Variants in ESPN observed in about 807,000 individuals in gnomAD.
ESPN encodes the protein espin, also known as autosomal recessive deafness type 36 protein.
A neutral mutation model predicts 77.7 loss-of-function variants in ESPN; 68 were observed. That is an observed-to-expected ratio of 0.87 (90% confidence interval 0.72 to 1.07). The LOEUF (loss-of-function observed/expected upper bound fraction) is 1.07. Ranked by LOEUF, ESPN falls within the 50% of genes least tolerant of loss-of-function variation. The pLI is 0.00. For missense variants in ESPN, 1,060 were observed against 1,239.0 expected (o/e 0.86, Z 2.17); for synonymous variants, 449 against 567.1 (o/e 0.79, Z 2.96).
Position 6,457,380 on chromosome 1 carries a change from C to T in ESPN, c.2417+8C>T. 1 of 1,614,186 alleles carries T rather than the reference C, an allele frequency of 6.2e-7. No homozygotes were observed. The highest frequency in any genetic ancestry group is 8.5e-7 in the Non-Finnish European group (1 of 1,180,030). On this transcript the variant is annotated splice_region_variant and intron_variant, in intron 12 of 12. Coordinates refer to ENST00000645284, the MANE Select transcript of ESPN (RefSeq NM_031475.3). ...TTCCAGGGAGCAGAAGCGGTGAGTG[C>T]AGGGCTGGCCCCAACCTGCCACCCT...
intron 12 of ESPN, among the ~76,000 whole-genome samples, chr1:6,459,712 C>T (rs974804401): frequency 3.3e-5 from 5 of 152,194 alleles, no homozygotes; most frequent in Non-Finnish European, 2.9e-5. Context: ...AATACCACCT[C>T]CTCACATGGT....
At chr1:6,452,207 T>C in intron 10 of ESPN, 111 bp downstream of exon 10, 1 of 1,284,372 alleles carries the variant, frequency 7.8e-7, no homozygotes, top group African/African-American at 1.5e-5. Context: ...TCTTTCTTTT[T>C]TTTTTTTCTT....
intron 7 of ESPN, among the ~76,000 whole-genome samples, chr1:6,446,320 G>A (rs1168142721): frequency 6.6e-6 from 1 of 152,202 alleles, no homozygotes; most frequent in African/African-American, 2.4e-5. Flanking sequence ...GGCTCAGTCG[G>A]AGAGTGTCAC....
Position 6,425,064 on chromosome 1 carries a change from GCGCTGCCCGTGCACCA to G in ESPN, c.113_128del (p.Leu38ArgfsTer78). ...GCCCTCGCTGCGCGACCCGCTGGAC[GCGCTGCCCGTGCACCA>G]CGCGGCCCGCGCTGGGAAGCTGCAC... On this transcript the variant is annotated frameshift_variant, in exon 1 of 13. Transcript: ENST00000645284. LOFTEE classifies it high-confidence loss of function. 1 of 1,473,392 alleles carries G rather than the reference GCGCTGCCCGTGCACCA, an allele frequency of 6.8e-7. No homozygotes were observed. Among genetic ancestry groups the G allele is most frequent in the Non-Finnish European group, 8.9e-7 (1 of 1,119,674 alleles). The allele number at this position is 1,473,392 out of a possible 1,614,324, so 91.3% of individuals were successfully genotyped here.
In ESPN at chr1:6,457,387, G is replaced by A. The variant is rs1160940716; in HGVS notation, c.2417+15G>A. ...GAGCAGAAGCGGTGAGTGCAGGGCTGGCCCCAACCTGCCACCCTTATCCCC... is the reference window on the plus strand; with the variant it reads ...GAGCAGAAGCGGTGAGTGCAGGGCTAGCCCCAACCTGCCACCCTTATCCCC... On this transcript the variant is annotated intron_variant, in intron 12 of 12. Coordinates refer to ENST00000645284, the MANE Select transcript of ESPN (RefSeq NM_031475.3). 6.2e-7 allele frequency: 1 copy of A among 1,614,204 alleles called. No homozygotes were observed. The highest frequency in any genetic ancestry group is 1.7e-5 in the Admixed American group (1 of 60,028).
chr1:6,440,523 G>A, intron 3 of ESPN, 83 bp downstream of exon 3: 1 of 1,175,488 alleles, frequency 8.5e-7, no homozygotes. Flanking sequence ...GGCCATCAGG[G>A]GTGGGGCGGG....
Position 6,444,672 on chromosome 1 carries a change from C to G in ESPN, c.1182C>G (p.His394Gln). The G allele has an allele frequency of 6.2e-7, 1 of 1,614,186 alleles. No homozygotes were observed. Among genetic ancestry groups the G allele is most frequent in the Non-Finnish European group, 8.5e-7 (1 of 1,180,010 alleles). The change falls in exon 6 of 13, where the codon CAC becomes CAG. Residue 394 changes from histidine to glutamine, a missense_variant. His to Gln is a conservative substitution (Grantham distance 24). Coordinates refer to ENST00000645284, the MANE Select transcript of ESPN (RefSeq NM_031475.3). ...SSSHSSIKGQHPPCGLSSARA... is the reference protein window; with the variant it reads ...SSSHSSIKGQQPPCGLSSARA... ...GCCACTCCAGCATCAAGGGCCAGCA[C>G]CCTCCATGTGGTGAGTGTGCCCAGG... is the stretch of plus-strand genomic sequence containing the variant.
At position 6,428,407 on chromosome 1, in the gene ESPN, A is replaced by G. The variant is rs1569574178; in HGVS notation, c.476A>G (p.Glu159Gly). ...GDFPSLRLLV[E>G]HYPEGVNAQT... ...TTCCCCTCCCTGAGGCTTCTCGTCGAGCACTACCCTGAGTAAGATCACCCC... is the reference window on the plus strand; with the variant it reads ...TTCCCCTCCCTGAGGCTTCTCGTCGGGCACTACCCTGAGTAAGATCACCCC... Residue 159 changes from glutamate (E) to glycine (G), a missense_variant, in exon 2 of 13, where the codon GAG becomes GGG. Glu to Gly is a moderately conservative substitution (Grantham distance 98). Transcript: ENST00000645284. This position sits in a 1 kb window ranked among gnomAD's most constrained non-coding sequence, Gnocchi z 5.4. The G allele has an allele frequency of 2.5e-6, 4 of 1,611,248 alleles. No homozygotes were observed. The African/African-American group carries it at 4.0e-5, about 16-fold the overall frequency.
chr1:6,444,340 A>T, intron 5 of ESPN, 141 bp from the exon 6 acceptor site: 1 of 807,912 alleles, frequency 1.2e-6, no homozygotes. Flanking sequence ...GAGACCGTCT[A>T]GTGATGGGGA....
At chr1:6,455,355 C>T (rs369910937) in intron 10 of ESPN, 2 of 378,046 alleles carry the variant, frequency 5.3e-6, no homozygotes, top group Non-Finnish European at 9.4e-6. Context: ...GGCGCGCCTA[C>T]GCGGACTGCT....
chr1:6,445,557 C>T (rs1477037460), intron 6 of ESPN, 107 bp from the exon 7 acceptor site: 2 of 1,284,288 alleles, frequency 1.6e-6, no homozygotes, highest in Non-Finnish European at 2.2e-6. Context: ...GTGCCCGGAG[C>T]CCACCTTGCC....
Position 6,437,071 on chromosome 1 carries a change from T to C in ESPN, c.489-3183T>C, listed in dbSNP as rs1363916059. ...GGCTCTGACTCCATAATGGGGCGTG[T>C]GAGTGCAGATGGTGGAATACTAACG... On this transcript the variant is annotated intron_variant, in intron 2 of 12. Transcript: ENST00000645284. This position sits in a 1 kb window ranked among gnomAD's most constrained non-coding sequence, Gnocchi z 4.5. 3.3e-5 allele frequency among the ~76,000 whole-genome samples: 5 copies of C among 151,418 alleles called. No homozygotes were observed. Among genetic ancestry groups the C allele is most frequent in the Non-Finnish European group, 5.9e-5 (4 of 67,820 alleles).
rs931841216 is a variant in ESPN, at chr1:6,460,661, G to A, written c.*515G>A. Reference sequence around the variant, plus strand: ...GCCTCATTTCTTATCCCCGCCAAGGGTTTCCTCTCAGTCATTTGTTTACCA... The same window carrying A: ...GCCTCATTTCTTATCCCCGCCAAGGATTTCCTCTCAGTCATTTGTTTACCA... On this transcript the variant is annotated 3_prime_UTR_variant, in exon 13 of 13. Transcript: ENST00000645284. The A allele has an allele frequency of 3.6e-5, 6 of 166,070 alleles. No individual in the cohort carries two copies. The highest frequency in any genetic ancestry group is 1.4e-4 in the African/African-American group (6 of 41,558). The allele number at this position is 166,070 out of a possible 1,614,324, so 10.3% of individuals were successfully genotyped here.
rs1644153126 is a variant in ESPN, at chr1:6,460,939, C to T, written c.*793C>T. 1 of 364,910 alleles carries T rather than the reference C, an allele frequency of 2.7e-6. No homozygotes were observed. Among genetic ancestry groups the T allele is most frequent in the Admixed American group, 4.1e-5 (1 of 24,574 alleles). The allele number at this position is 364,910 out of a possible 1,614,324, so 22.6% of individuals were successfully genotyped here. ...AAGCGCTCTCATCTGGGCTCCGGTT[C>T]ACTCACTCGCTGTGGCCGCGACTTG... On this transcript the variant is annotated 3_prime_UTR_variant, in exon 13 of 13. Coordinates refer to ENST00000645284, the MANE Select transcript of ESPN (RefSeq NM_031475.3).
intron 2 of ESPN, among the ~76,000 whole-genome samples, chr1:6,434,564 T>C (rs1237108207): frequency 6.6e-6 from 1 of 152,200 alleles, no homozygotes; most frequent in Non-Finnish European, 1.5e-5. Flanking sequence ...GTCTGGCAAG[T>C]GGACCTAACC....
rs371554869 is a variant in ESPN at position 6,428,451 on chromosome 1, G to A, written c.488+32G>A. 282 of 1,576,752 alleles carry A rather than the reference G, an allele frequency of 1.8e-4. 1 individual carries two copies. The highest frequency in any genetic ancestry group is 1.3e-3 in the Admixed American group (78 of 57,846). ...TCACCCCTCTTAAGGGGTCCTCTGGGTGGGCTGGGCCAGGGCTTTGGGGGA... is the reference window on the plus strand; with the variant it reads ...TCACCCCTCTTAAGGGGTCCTCTGGATGGGCTGGGCCAGGGCTTTGGGGGA... On this transcript the variant is annotated intron_variant, in intron 2 of 12. Coordinates refer to ENST00000645284, the MANE Select transcript of ESPN (RefSeq NM_031475.3). The surrounding 1 kb of genome is among the most constrained non-coding windows in gnomAD (Gnocchi z 5.4).
At position 6,450,746 on chromosome 1, in the gene ESPN, C is replaced by G. The variant is rs542457031; in HGVS notation, c.1916-857C>G. ...CCTTTCTCCTACTCTTCTCCCCCACCACCCCCACCCGCTGTGACTGCATTC... is the reference window on the plus strand; with the variant it reads ...CCTTTCTCCTACTCTTCTCCCCCACGACCCCCACCCGCTGTGACTGCATTC... On this transcript the variant is annotated intron_variant, in intron 8 of 12. Transcript: ENST00000645284. This position sits in a 1 kb window ranked among gnomAD's most constrained non-coding sequence, Gnocchi z 4.3. Among the ~76,000 whole-genome samples, 28 of 152,246 alleles carry G rather than the reference C, an allele frequency of 1.8e-4. No homozygotes were observed. In the South Asian group the frequency reaches 2.9e-3, roughly 16 times the overall value.
chr1:6,428,071 C>T lies in ESPN; in HGVS notation c.295-155C>T, dbSNP rs770829601. Among the ~76,000 whole-genome samples, 16 of 151,872 alleles carry T rather than the reference C, an allele frequency of 1.1e-4. No homozygotes were observed. Among genetic ancestry groups the T allele is most frequent in the Non-Finnish European group, 2.2e-4 (15 of 67,944 alleles). On this transcript the variant is annotated intron_variant, in intron 1 of 12. Transcript: ENST00000645284. The surrounding 1 kb of genome is among the most constrained non-coding windows in gnomAD (Gnocchi z 5.4). Reference sequence around the variant, plus strand: ...ACTCAAACCCAGGATCCGCTTGACCCAAAAAAAACATTGCTGAATGAGGCC... The same window carrying T: ...ACTCAAACCCAGGATCCGCTTGACCTAAAAAAAACATTGCTGAATGAGGCC...
In ESPN at chr1:6,427,097, C is replaced by T. The variant is rs1643064947; in HGVS notation, c.295-1129C>T. 1.3e-5 allele frequency among the ~76,000 whole-genome samples: 2 copies of T among 152,080 alleles called. No individual in the cohort carries two copies. Among genetic ancestry groups the T allele is most frequent in the African/African-American group, 4.8e-5 (2 of 41,376 alleles). On this transcript the variant is annotated intron_variant, in intron 1 of 12. Coordinates refer to ENST00000645284, the MANE Select transcript of ESPN (RefSeq NM_031475.3). The surrounding 1 kb of genome is among the most constrained non-coding windows in gnomAD (Gnocchi z 4.6). The stretch of plus-strand genomic sequence containing the variant: ...CCACCGTGATTTGACTTCCTGAGGC[C>T]TGGGGTCTCTTGCCAGCTCCTGCCG...
Sources: allele counts gnomAD v4.1 joint callset (sites outside exome capture counted in the v4.1 genomes callset), GRCh38; gene constraint gnomAD v4.1.1; non-coding constraint Gnocchi (gnomAD v3.1); transcripts MANE v1.5; gene names NCBI Gene and HGNC (gene_info 2026-07-23, HGNC 2026-07-21).